The following CD226 variants were observed in gnomAD, a reference collection of about 807,000 sequenced individuals.
The protein encoded by CD226 is CD226 antigen.
In CD226, 24 loss-of-function variants were observed where a neutral mutation model predicts 34.9. The ratio of observed to expected loss-of-function variants is 0.69; its 90% CI spans 0.50 to 0.97. The LOEUF (loss-of-function observed/expected upper bound fraction) is 0.97. CD226 is among the 50% of genes least tolerant of loss of function. The probability of loss-of-function intolerance (pLI) is 0.00; values close to 1 mark genes in which losing one functional copy is unlikely to be tolerated. For missense variants in CD226, 397 were observed against 412.7 expected (o/e 0.96, Z 0.33); for synonymous variants, 148 against 147.4 (o/e 1.00, Z -0.03).
At chr18:69,914,979 T>C (rs1420636283) in intron 2 of CD226, among the ~76,000 whole-genome samples, 2 of 152,152 alleles carry the variant, frequency 1.3e-5, no homozygotes, top group African/African-American at 4.8e-5. Flanking sequence ...TTTACCAGAG[T>C]TGTTCATTTT....
chr18:69,926,319 T>C (rs559975506), intron 2 of CD226, among the ~76,000 whole-genome samples: 1 of 152,224 alleles, frequency 6.6e-6, no homozygotes, highest in East Asian at 1.9e-4. Flanking sequence ...CTATTCCTAC[T>C]GCAAGGACAC....
intron 3 of CD226, among the ~76,000 whole-genome samples, chr18:69,880,269 G>C (rs1459908039): frequency 7.0e-6 from 1 of 142,702 alleles, no homozygotes; most frequent in Non-Finnish European, 1.5e-5. Context: ...AAAGAAGGAA[G>C]GGGAGGGAAG....
upstream of CD226, among the ~76,000 whole-genome samples, chr18:69,952,859 T>G (rs1021598788): frequency 2.0e-5 from 3 of 152,210 alleles, no homozygotes; most frequent in Admixed American, 2.0e-4. Context: ...GATTATGGTC[T>G]AATATCCATA....
intron 2 of CD226, among the ~76,000 whole-genome samples, chr18:69,911,498 G>A (rs958232168): frequency 5.3e-5 from 8 of 152,144 alleles, no homozygotes; most frequent in East Asian, 1.9e-4. Flanking sequence ...TATGAAGAGC[G>A]ACCTTAAAGT....
chr18:69,930,884 T>A (rs1398834734), intron 2 of CD226, among the ~76,000 whole-genome samples: 1 of 152,128 alleles, frequency 6.6e-6, no homozygotes, highest in South Asian at 2.1e-4. Context: ...CTTCAGAGAA[T>A]CCCCAGAAGG....
At chr18:69,958,034 T>C (rs901351652), upstream of CD226, among the ~76,000 whole-genome samples, 2 of 152,132 alleles carry the variant, frequency 1.3e-5, no homozygotes, top group African/African-American at 4.8e-5. Context: ...CACGTGGAGT[T>C]TCCTCACCTC....
chr18:69,894,609 T>G (rs1374174961), intron 3 of CD226, among the ~76,000 whole-genome samples: 4 of 8,046 alleles, frequency 5.0e-4, no homozygotes, highest in African/African-American at 5.1e-4. Context: ...AGGGGGAAGG[T>G]AGGGGAGGGA....
Position 69,867,374 on chromosome 18 carries a change from ACTCTGTAAATAGATCTCTT to A in CD226, c.849_867del (p.Arg283SerfsTer87), listed in dbSNP as rs1216354336. ...AAACTTACCTTCTGTGTATCCCAGG[ACTCTGTAAATAGATCTCTT>A]CTCTCTCTCCTTCTCCTTCTGGAAT... On this transcript the variant is annotated frameshift_variant, in exon 5 of 6. Coordinates refer to ENST00000582621, the MANE Select transcript of CD226 (RefSeq NM_001303618.2). LOFTEE classifies it low-confidence loss of function (END_TRUNC). The A allele has an allele frequency of 6.3e-7, 1 of 1,597,490 alleles. No individual in the cohort carries two copies. Among genetic ancestry groups the A allele is most frequent in the African/African-American group, 1.3e-5 (1 of 74,686 alleles).
chr18:69,872,093 G>GGTA (rs1356436254), intron 4 of CD226, among the ~76,000 whole-genome samples: 3 of 98,118 alleles, frequency 3.1e-5, no homozygotes, highest in Non-Finnish European at 6.5e-5. Context: ...TGTGTGTGGT[G>GGTA]CATTTGGTAA....
chr18:69,950,971 T>TTGTGTGTGTGTG (rs57098005), upstream of CD226, among the ~76,000 whole-genome samples: 243 of 132,704 alleles, frequency 1.8e-3, 1 homozygote, highest in African/African-American at 6.5e-3. Context: ...AACTATGATT[T>TTGTGTGTGTGTG]TGTGTGTGTG....
At position 69,947,583 on chromosome 18, in the gene CD226, C is replaced by G; in HGVS notation, c.-177G>C. ...CCTTAGCTTAAAAGACAGGTTTGCT[C>G]CTTTATGAGGATGGGCAGATTTGAG... On this transcript the variant is annotated 5_prime_UTR_variant, in exon 1 of 6. Coordinates refer to ENST00000582621, the MANE Select transcript of CD226 (RefSeq NM_001303618.2). 1 of 430,228 alleles carries G rather than the reference C, an allele frequency of 2.3e-6. No individual in the cohort carries two copies. The highest frequency in any genetic ancestry group is 6.9e-5 in the South Asian group (1 of 14,482). 26.7% of individuals were successfully genotyped at this position (430,228 alleles called of 1,614,324 possible). A position where few individuals can be genotyped will look rare whatever the true frequency, so the allele number is the denominator to read the frequency against.
rs886583399 is a variant in CD226 at position 69,859,739 on chromosome 18, T to A, written c.*4575A>T. On this transcript the variant is annotated 3_prime_UTR_variant, in exon 6 of 6. Coordinates refer to ENST00000582621, the MANE Select transcript of CD226 (RefSeq NM_001303618.2). ...CAAAAACAAACAAACAAAAAACCTG[T>A]AAAGCCCTTTGACCCTTTGCACTAC... is the stretch of plus-strand genomic sequence containing the variant. 5 of 152,042 alleles carry A rather than the reference T, an allele frequency of 3.3e-5. No homozygotes were observed. The highest frequency in any genetic ancestry group is 1.2e-4 in the African/African-American group (5 of 41,420). The allele number at this position is 152,042 out of a possible 1,614,324, so 9.4% of individuals were successfully genotyped here.
At chr18:69,915,146 G>A (rs1235867554) in intron 2 of CD226, among the ~76,000 whole-genome samples, 1 of 152,120 alleles carries the variant, frequency 6.6e-6, no homozygotes, top group Non-Finnish European at 1.5e-5. Flanking sequence ...AATGGTTAAG[G>A]AGACTTATAA....
rs112148497 is a variant in CD226, at chr18:69,861,554, GTATATATATATATATATA to G, written c.*2742_*2759del. 7.8e-6 allele frequency: 1 copy of G among 127,948 alleles called. No homozygotes were observed. Among genetic ancestry groups the G allele is most frequent in the Non-Finnish European group, 1.7e-5 (1 of 60,364 alleles). 7.9% of individuals were successfully genotyped at this position (127,948 alleles called of 1,614,324 possible). A position where few individuals can be genotyped will look rare whatever the true frequency, so the allele number is the denominator to read the frequency against. ...ATAAATTATATGTGTATATATATAT[GTATATATATATATATATA>G]TGTAAAACTTAAGAAGCATTTTGCT... On this transcript the variant is annotated 3_prime_UTR_variant, in exon 6 of 6. Transcript: ENST00000582621.
At chr18:69,900,725 C>A (rs1236154448) in intron 2 of CD226, among the ~76,000 whole-genome samples, 6 of 130,080 alleles carry the variant, frequency 4.6e-5, no homozygotes, top group Admixed American at 8.5e-5. Flanking sequence ...GGCGACAGAG[C>A]GAGACTCCGT....
rs956968043 is a variant in CD226 at position 69,858,232 on chromosome 18, T to G, written c.*6082A>C. The G allele has an allele frequency of 3.3e-5, 5 of 152,222 alleles. No homozygotes were observed. Among genetic ancestry groups the G allele is most frequent in the African/African-American group, 1.2e-4 (5 of 41,452 alleles). The allele number at this position is 152,222 out of a possible 1,614,324, so 9.4% of individuals were successfully genotyped here. A position where few individuals can be genotyped will look rare whatever the true frequency, so the allele number is the denominator to read the frequency against. On this transcript the variant is annotated 3_prime_UTR_variant, in exon 6 of 6. Coordinates refer to ENST00000582621, the MANE Select transcript of CD226 (RefSeq NM_001303618.2). ...TGGATATATTTAGTTACATCTGGAA[T>G]AAACTCAGGTATTACACAGGGCCTT...
chr18:69,921,411 T>C (rs1393696511), intron 2 of CD226, among the ~76,000 whole-genome samples: 1 of 152,162 alleles, frequency 6.6e-6, no homozygotes, highest in East Asian at 1.9e-4. Flanking sequence ...TTGCATCCTA[T>C]CCTATCTGCA....
intron 3 of CD226, among the ~76,000 whole-genome samples, chr18:69,887,094 C>T: frequency 6.6e-6 from 1 of 152,200 alleles, no homozygotes; most frequent in South Asian, 2.1e-4. Context: ...AAACTGATAC[C>T]TTTATCTGCT....
intron 2 of CD226, among the ~76,000 whole-genome samples, chr18:69,916,233 A>G (rs1432660962): frequency 1.3e-5 from 2 of 152,230 alleles, no homozygotes; most frequent in African/African-American, 4.8e-5. Context: ...TTCAATGTAT[A>G]TTTCAGGAAA....
Sources: gnomAD v4.1 joint callset for allele counts (sites outside exome capture counted in the v4.1 genomes callset) on GRCh38, gnomAD v4.1.1 for gene constraint, MANE v1.5 for transcripts, NCBI Gene and HGNC (gene_info 2026-07-23, HGNC 2026-07-21) for gene names.